PGAP4: variants seen among roughly 807,000 people sequenced by gnomAD.
The protein encoded by PGAP4 is GPI-N-acetylgalactosamine transferase PGAP4.
In PGAP4, 12 loss-of-function variants were observed where a neutral mutation model predicts 28.2. The observed-to-expected ratio is 0.42, with a 90% CI of 0.27 to 0.69. The LOEUF (loss-of-function observed/expected upper bound fraction) is 0.69, where lower values mean the gene tolerates loss of function less well. Ranked by LOEUF, PGAP4 falls within the 30% of genes least tolerant of loss-of-function variation. PGAP4 has a pLI of 0.22. For synonymous variants in PGAP4, 205 were observed against 211.8 expected (o/e 0.97, Z 0.28); for missense variants, 425 against 513.5 (o/e 0.83, Z 1.67).
At chr9:101,506,764 T>A (rs900644494) in intron 2 of PGAP4, among the ~76,000 whole-genome samples, 7 of 152,004 alleles carry the variant, frequency 4.6e-5, no homozygotes, top group African/African-American at 1.7e-4. Flanking sequence ...TCCCTTAACA[T>A]CCATTAAAGC....
chr9:101,494,698 A>G (rs995878947), intron 2 of PGAP4, among the ~76,000 whole-genome samples: 1 of 151,802 alleles, frequency 6.6e-6, no homozygotes, highest in Non-Finnish European at 1.5e-5. Flanking sequence ...ATTTTAGACT[A>G]TAGCTGATTG....
At chr9:101,524,632 T>C (rs1232539121) in intron 2 of PGAP4, among the ~76,000 whole-genome samples, 1 of 152,222 alleles carries the variant, frequency 6.6e-6, no homozygotes, top group African/African-American at 2.4e-5. Flanking sequence ...GGGGACCCCG[T>C]GAGCTCCCAG....
chr9:101,480,189 C>T (rs1273304891), intron 1 of PGAP4, among the ~76,000 whole-genome samples: 1 of 152,112 alleles, frequency 6.6e-6, no homozygotes, highest in Non-Finnish European at 1.5e-5. Context: ...AATCATTACA[C>T]ACTACACGAA....
At chr9:101,496,471 C>T (rs570742821) in intron 2 of PGAP4, among the ~76,000 whole-genome samples, 11 of 151,246 alleles carry the variant, frequency 7.3e-5, no homozygotes, top group South Asian at 2.1e-4. Context: ...TTTAAGAAAA[C>T]GTTATTGTTT....
chr9:101,492,928 C>T (rs1826704349), intron 2 of PGAP4, among the ~76,000 whole-genome samples: 2 of 152,106 alleles, frequency 1.3e-5, no homozygotes, highest in South Asian at 4.1e-4. Flanking sequence ...CTGCTTTCTG[C>T]TGCCTGAGCT....
intron 2 of PGAP4, among the ~76,000 whole-genome samples, chr9:101,512,662 G>A (rs1407868): frequency 0.2 from 30,275 of 152,016 alleles, 3,736 homozygotes; most frequent in East Asian, 0.42. Flanking sequence ...TGTCTATATA[G>A]GGACTTCTAT....
In PGAP4 at chr9:101,483,643, A is replaced by G. The variant is rs1826544320; in HGVS notation, c.-78+3306T>C. ...ATATACATAGCAAGTATATATACAC[A>G]TGTACTATATATATGCATTACATAT... On this transcript the variant is annotated intron_variant, in intron 1 of 1. Coordinates refer to ENST00000374848, the MANE Select transcript of PGAP4 (RefSeq NM_032342.3). Among the ~76,000 whole-genome samples, 5 of 152,080 alleles carry G rather than the reference A, an allele frequency of 3.3e-5. No homozygotes were observed. In the South Asian group the frequency reaches 1.0e-3, roughly 32 times the overall value.
At chr9:101,530,829 G>A (rs898986499) in intron 2 of PGAP4, among the ~76,000 whole-genome samples, 2 of 152,208 alleles carry the variant, frequency 1.3e-5, no homozygotes, top group Non-Finnish European at 2.9e-5. Flanking sequence ...ATTTCGCTGG[G>A]CCACTGTGCC....
chr9:101,480,739 C>T (rs1462394075), intron 1 of PGAP4: 1 of 152,248 alleles, frequency 6.6e-6, no homozygotes, highest in Non-Finnish European at 1.5e-5. Context: ...AAAATCCAAC[C>T]ACATGGAGTT....
At position 101,473,220 on chromosome 9, in the gene PGAP4, A is replaced by G. The variant is rs1385427288; in HGVS notation, c.*2661T>C. 4 of 152,222 alleles carry G rather than the reference A, an allele frequency of 2.6e-5. No individual in the cohort carries two copies. Among genetic ancestry groups the G allele is most frequent in the Non-Finnish European group, 5.9e-5 (4 of 68,030 alleles). 9.4% of individuals were successfully genotyped at this position (152,222 alleles called of 1,614,324 possible). On this transcript the variant is annotated 3_prime_UTR_variant, in exon 2 of 2. Coordinates refer to ENST00000374848, the MANE Select transcript of PGAP4 (RefSeq NM_032342.3). ...TTTCACAGACATGTCTATGCAATACACTCAGTCACAAGAGAGAGCTTCTTA... is the reference window on the plus strand; with the variant it reads ...TTTCACAGACATGTCTATGCAATACGCTCAGTCACAAGAGAGAGCTTCTTA...
intron 1 of PGAP4, among the ~76,000 whole-genome samples, chr9:101,483,931 T>C (rs1271647535): frequency 6.6e-6 from 1 of 152,172 alleles, no homozygotes; most frequent in Non-Finnish European, 1.5e-5. Flanking sequence ...CCATAATTAA[T>C]CTCTATATTT....
intron 2 of PGAP4, among the ~76,000 whole-genome samples, chr9:101,497,424 G>A (rs559793609): frequency 1.3e-5 from 2 of 151,734 alleles, no homozygotes; most frequent in East Asian, 3.9e-4. Flanking sequence ...ACTTGGAAGA[G>A]TTAGCTGTTG....
upstream of PGAP4, among the ~76,000 whole-genome samples, chr9:101,487,671 T>C (rs1307619426): frequency 6.6e-6 from 1 of 152,220 alleles, no homozygotes; most frequent in Non-Finnish European, 1.5e-5. Flanking sequence ...ACTCAGTGCT[T>C]CTAATCCTAG....
At chr9:101,515,169 T>A (rs1022162536) in intron 2 of PGAP4, among the ~76,000 whole-genome samples, 1 of 152,176 alleles carries the variant, frequency 6.6e-6, no homozygotes, top group Non-Finnish European at 1.5e-5. Context: ...TTGGCAGAGT[T>A]GCTCCTTTTG....
rs557040148 is a variant in PGAP4 at position 101,492,195 on chromosome 9, A to G, written c.-164-2995T>C. ...TCATTATGAAATAACTGTTTCTGGC[A>G]GTAATTTTTTTTTTTTGAGACGGAG... On this transcript the variant is annotated intron_variant, in intron 2 of 3. Transcript: ENST00000374851. 1.9e-4 allele frequency among the ~76,000 whole-genome samples: 29 copies of G among 151,620 alleles called. No individual in the cohort carries two copies. The East Asian group carries it at 5.4e-3, about 28-fold the overall frequency.
intron 1 of PGAP4, among the ~76,000 whole-genome samples, chr9:101,482,176 G>A (rs1194617776): frequency 4.6e-5 from 7 of 152,202 alleles, no homozygotes; most frequent in Admixed American, 3.9e-4. Context: ...AACCAGGCGC[G>A]GTGGCTCACA....
chr9:101,503,790 C>G (rs1248061709), intron 2 of PGAP4, among the ~76,000 whole-genome samples: 2 of 151,998 alleles, frequency 1.3e-5, no homozygotes, highest in Admixed American at 6.6e-5. Flanking sequence ...CTTCTCCCCT[C>G]CCCAAATCAT....
intron 2 of PGAP4, among the ~76,000 whole-genome samples, chr9:101,520,765 G>T (rs1169726167): frequency 6.6e-6 from 1 of 152,180 alleles, no homozygotes; most frequent in Non-Finnish European, 1.5e-5. Flanking sequence ...TTGAAGAGGA[G>T]TGGTGAGAGT....
chr9:101,489,066 C>G (rs774063039), upstream of PGAP4: 1 of 152,120 alleles, frequency 6.6e-6, no homozygotes, highest in Non-Finnish European at 1.5e-5. Context: ...TTTACTAACT[C>G]TTAATCACTC....
Sources: allele counts gnomAD v4.1 joint callset (sites outside exome capture counted in the v4.1 genomes callset), GRCh38; gene constraint gnomAD v4.1.1; transcripts MANE v1.5; gene names NCBI Gene and HGNC (gene_info 2026-07-23, HGNC 2026-07-21).